The following ABI1 variants were observed in gnomAD, a reference collection of about 807,000 sequenced individuals.
ABI1 encodes the protein abl interactor 1.
ABI1 carries 14 observed loss-of-function variants against 54.6 expected under a neutral mutation model. The ratio of observed to expected loss-of-function variants is 0.26; its 90% CI spans 0.17 to 0.40. ABI1 has a LOEUF of 0.40. Ranked by LOEUF, ABI1 falls within the 10% of genes least tolerant of loss-of-function variation. ABI1 has a pLI of 1.00. For synonymous variants in ABI1, 194 were observed against 209.3 expected (o/e 0.93, Z 0.63); for missense variants, 443 against 598.3 (o/e 0.74, Z 2.71).
intron 2 of ABI1, among the ~76,000 whole-genome samples, chr10:26,804,800 T>A (rs1014571023): frequency 6.6e-6 from 1 of 152,170 alleles, no homozygotes. Flanking sequence ...GACTCCAAAA[T>A]ACACCACACT....
chr10:26,758,754 G>A (rs2132523530), intron 8 of ABI1, among the ~76,000 whole-genome samples: 1 of 152,242 alleles, frequency 6.6e-6, no homozygotes, highest in South Asian at 2.1e-4. Flanking sequence ...TTTCTGCAAT[G>A]TTTTTGTTCT....
At position 26,835,100 on chromosome 10, in the gene ABI1, A is replaced by AC. The variant is rs371162685; in HGVS notation, c.118-11796_118-11795insG. On this transcript the variant is annotated intron_variant, in intron 1 of 10. Coordinates refer to ENST00000376140, the MANE Select transcript of ABI1 (RefSeq NM_001012750.3). ...CAAGATTCTACCTCAAAAAAAAAAA[A>AC]AAAAAAAAAAAAAAACCCACAATGC... Among the ~76,000 whole-genome samples, 2,873 of 122,366 alleles carry AC rather than the reference A, an allele frequency of 0.023. 311 individuals are homozygous for AC. In the East Asian group the frequency reaches 0.25, roughly 11 times the overall value. The allele number at this position is 122,366 out of a possible 152,430, so 80.3% of individuals were successfully genotyped here.
chr10:26,829,611 C>G (rs190198189), intron 1 of ABI1, among the ~76,000 whole-genome samples: 1 of 151,760 alleles, frequency 6.6e-6, no homozygotes, highest in East Asian at 1.9e-4. Context: ...AATAAATAAA[C>G]AACAAAACAA....
rs1837173648 is a variant in ABI1, at chr10:26,748,375, G to A, written c.*195C>T. ...CATAATCAGTTATGGACAGCTTCTT[G>A]TATAAATTGCTATTCAGCAATACAT... On this transcript the variant is annotated 3_prime_UTR_variant, in exon 11 of 11. Coordinates refer to ENST00000376140, the MANE Select transcript of ABI1 (RefSeq NM_001012750.3). The A allele has an allele frequency of 4.1e-6, 2 of 483,704 alleles. No individual in the cohort carries two copies. Among genetic ancestry groups the A allele is most frequent in the Admixed American group, 3.5e-5 (1 of 28,848 alleles). The allele number at this position is 483,704 out of a possible 1,614,324, so 30.0% of individuals were successfully genotyped here. A position where few individuals can be genotyped will look rare whatever the true frequency, so the allele number is the denominator to read the frequency against.
chr10:26,791,090 A>C (rs1274105000), intron 2 of ABI1, among the ~76,000 whole-genome samples: 3 of 151,354 alleles, frequency 2.0e-5, no homozygotes, highest in Non-Finnish European at 2.9e-5. Flanking sequence ...AAAAAAAAAA[A>C]ACAGAGCGAA....
At chr10:26,751,469 T>G in intron 10 of ABI1, 129 bp downstream of exon 10, 1 of 862,758 alleles carries the variant, frequency 1.2e-6, no homozygotes, top group Non-Finnish European at 1.7e-6. Context: ...AAGTAAGGTT[T>G]AAGTAAATCA....
intron 1 of ABI1, among the ~76,000 whole-genome samples, chr10:26,832,383 C>A (rs1242647932): frequency 6.6e-6 from 1 of 152,034 alleles, no homozygotes; most frequent in Non-Finnish European, 1.5e-5. Flanking sequence ...GAGATCAAGA[C>A]CATCCTGGCT....
intron 1 of ABI1, among the ~76,000 whole-genome samples, chr10:26,836,903 T>C (rs2049121020): frequency 6.6e-6 from 1 of 152,190 alleles, no homozygotes; most frequent in African/African-American, 2.4e-5. Context: ...AGTACTTTCA[T>C]AAAAAGGGTC....
intron 1 of ABI1, among the ~76,000 whole-genome samples, chr10:26,857,408 A>G (rs951407335): frequency 2.5e-4 from 38 of 150,826 alleles, no homozygotes; most frequent in African/African-American, 9.2e-4. Context: ...TGGGAGGCCA[A>G]GGCAGGCAGA....
At chr10:26,779,009 T>C (rs181054439) in intron 2 of ABI1, among the ~76,000 whole-genome samples, 2 of 152,312 alleles carry the variant, frequency 1.3e-5, no homozygotes, top group Admixed American at 6.5e-5. Flanking sequence ...TGAGTAATGA[T>C]GTCCTTTGTC....
chr10:26,849,493 T>C (rs1277556557), intron 1 of ABI1, among the ~76,000 whole-genome samples: 2 of 152,156 alleles, frequency 1.3e-5, no homozygotes, highest in Non-Finnish European at 2.9e-5. Flanking sequence ...ATGGCTCCTG[T>C]TAGGAAAAAG....
chr10:26,763,478 T>C (rs1839496579), intron 7 of ABI1, among the ~76,000 whole-genome samples: 1 of 152,104 alleles, frequency 6.6e-6, no homozygotes, highest in South Asian at 2.1e-4. Flanking sequence ...GAGTACCCCA[T>C]CCCACACATA....
chr10:26,764,473 G>T (rs1839652654), intron 7 of ABI1, among the ~76,000 whole-genome samples: 1 of 152,154 alleles, frequency 6.6e-6, no homozygotes, highest in African/African-American at 2.4e-5. Context: ...ATACTGGCCT[G>T]TAAAGCAACA....
chr10:26,849,286 G>T (rs2050218618), intron 1 of ABI1, among the ~76,000 whole-genome samples: 2 of 152,052 alleles, frequency 1.3e-5, no homozygotes. Context: ...AGTACTCATT[G>T]TGTTCTTTAC....
intron 2 of ABI1, among the ~76,000 whole-genome samples, chr10:26,801,255 C>T (rs1023216307): frequency 2.0e-5 from 3 of 151,932 alleles, no homozygotes; most frequent in Admixed American, 2.0e-4. Flanking sequence ...CTAGAAAATA[C>T]ACACCATCGT....
Position 26,830,624 on chromosome 10 carries a change from T to TAA in ABI1, c.118-7321_118-7320dup, listed in dbSNP as rs71403893. Among the ~76,000 whole-genome samples the TAA allele has an allele frequency of 6.0e-3, 762 of 126,252 alleles. 6 individuals are homozygous for TAA. Among genetic ancestry groups the TAA allele is most frequent in the East Asian group, 0.036 (155 of 4,338 alleles). 82.8% of individuals were successfully genotyped at this position (126,252 alleles called of 152,430 possible). A position where few individuals can be genotyped will look rare whatever the true frequency, so the allele number is the denominator to read the frequency against. On this transcript the variant is annotated intron_variant, in intron 1 of 10. Transcript: ENST00000376140. ...CAACAGAACAAGACCCTGTCTCCTT[T>TAA]AAAAAAAAAAAAAAAAACAAAACTA...
chr10:26,786,155 C>T (rs1416744100), intron 2 of ABI1, among the ~76,000 whole-genome samples: 1 of 152,056 alleles, frequency 6.6e-6, no homozygotes, highest in Non-Finnish European at 1.5e-5. Context: ...TTATCTGATA[C>T]AATCATTGAT....
intron 1 of ABI1, among the ~76,000 whole-genome samples, chr10:26,850,280 C>T (rs2050281651): frequency 6.6e-6 from 1 of 152,078 alleles, no homozygotes; most frequent in Non-Finnish European, 1.5e-5. Context: ...TAATAATAAA[C>T]ACATTAGATA....
In ABI1 at chr10:26,823,222, T is replaced by G; in HGVS notation, c.201A>C (p.Ala67=). The G allele has an allele frequency of 6.2e-7, 1 of 1,606,054 alleles. No homozygotes were observed. The highest frequency in any genetic ancestry group is 1.3e-5 in the African/African-American group (1 of 74,488). The change falls in exon 2 of 11, where the codon GCA becomes GCC. Residue 67 remains alanine (A), a synonymous_variant. Transcript: ENST00000376140. ...SLASVAYQIN[A]LANNVLQLLD... ...GCAACTGGAGTACATTGTTGGCCAA[T>G]GCATTTATTTGATAAGCAACACTAG...
Sources: allele counts gnomAD v4.1 joint callset (sites outside exome capture counted in the v4.1 genomes callset), GRCh38; gene constraint gnomAD v4.1.1; transcripts MANE v1.5; gene names NCBI Gene and HGNC (gene_info 2026-07-23, HGNC 2026-07-21).